The following ZNF804A variants were observed in gnomAD, a reference collection of about 807,000 sequenced individuals.
The protein encoded by ZNF804A is zinc finger protein 804A.
ZNF804A carries 2 observed loss-of-function variants against 16.5 expected under a neutral mutation model. The observed-to-expected ratio is 0.12, with a 90% confidence interval of 0.05 to 0.38. The LOEUF (loss-of-function observed/expected upper bound fraction) is 0.38, where lower values mean the gene tolerates loss of function less well. Ranked by LOEUF, ZNF804A falls within the 10% of genes least tolerant of loss-of-function variation. ZNF804A has a pLI of 0.99. For synonymous variants in ZNF804A, 534 were observed against 489.6 expected, an observed-to-expected ratio of 1.09 and a Z score of -1.20; for missense variants, 1,473 against 1,390.7, an observed-to-expected ratio of 1.06 and a Z score of -0.94.
At chr2:184,600,511 T>C (rs1691028445) in intron 1 of ZNF804A, among the ~76,000 whole-genome samples, 1 of 152,232 alleles carries the variant, frequency 6.6e-6, no homozygotes, top group South Asian at 2.1e-4. Context: ...ATTGAAATTG[T>C]TCTGGCCCCA....
intron 2 of ZNF804A, among the ~76,000 whole-genome samples, chr2:184,917,459 A>C (rs73043287): frequency 0.048 from 7,165 of 148,380 alleles, 223 homozygotes; most frequent in East Asian, 0.055. Flanking sequence ...AAAGAAAAAC[A>C]AATATGTGTG....
At chr2:184,690,960 T>C (rs551436500) in intron 1 of ZNF804A, among the ~76,000 whole-genome samples, 1 of 152,100 alleles carries the variant, frequency 6.6e-6, no homozygotes, top group South Asian at 2.1e-4. Flanking sequence ...AAAATAAATA[T>C]ATGCAAAAAA....
chr2:184,618,074 T>A (rs1691355074), intron 1 of ZNF804A, among the ~76,000 whole-genome samples: 1 of 152,072 alleles, frequency 6.6e-6, no homozygotes, highest in Admixed American at 6.6e-5. Flanking sequence ...TCCATTGTGT[T>A]TAGTTTATCT....
At chr2:184,835,175 C>T (rs1449480408) in intron 1 of ZNF804A, among the ~76,000 whole-genome samples, 4 of 152,064 alleles carry the variant, frequency 2.6e-5, no homozygotes, top group Non-Finnish European at 4.4e-5. Flanking sequence ...GTTCTGAACT[C>T]CCCCCAGGAG....
intron 1 of ZNF804A, among the ~76,000 whole-genome samples, chr2:184,779,463 A>G (rs998845905): frequency 1.3e-5 from 2 of 151,748 alleles, no homozygotes; most frequent in South Asian, 2.1e-4. Context: ...TGAATATGTT[A>G]GGTTACATGG....
At chr2:184,769,391 T>C (rs1056585199) in intron 1 of ZNF804A, among the ~76,000 whole-genome samples, 1 of 152,134 alleles carries the variant, frequency 6.6e-6, no homozygotes, top group Non-Finnish European at 1.5e-5. Context: ...AGGGCTTTGG[T>C]AGCCTAGTAT....
At chr2:184,642,246 T>A (rs1460555806) in intron 1 of ZNF804A, among the ~76,000 whole-genome samples, 1 of 152,190 alleles carries the variant, frequency 6.6e-6, no homozygotes, top group African/African-American at 2.4e-5. Context: ...GTTCCCTAAC[T>A]TTATGACCTA....
rs148545574 is a variant in ZNF804A, at chr2:184,709,490, AG to A, written c.111+110422del. Among the ~76,000 whole-genome samples the A allele has an allele frequency of 2.8e-3, 419 of 152,090 alleles. 8 individuals carry two copies. The highest frequency in any genetic ancestry group is 9.6e-3 in the African/African-American group (398 of 41,522). On this transcript the variant is annotated intron_variant, in intron 1 of 3. Transcript: ENST00000302277. Reference sequence around the variant, plus strand: ...ATTCTGAGAACAATCCTGTAAGTTAAGGAAGTTTAAGAAGGCTGATATTTCC... The same window carrying A: ...ATTCTGAGAACAATCCTGTAAGTTAAGAAGTTTAAGAAGGCTGATATTTCC...
intron 1 of ZNF804A, among the ~76,000 whole-genome samples, chr2:184,692,666 T>C (rs1397758691): frequency 2.0e-5 from 3 of 152,222 alleles, no homozygotes; most frequent in Non-Finnish European, 2.9e-5. Flanking sequence ...GAAATCTGTC[T>C]ATTTTATTGA....
chr2:184,699,536 A>G (rs1291821449), intron 1 of ZNF804A, among the ~76,000 whole-genome samples: 2 of 152,072 alleles, frequency 1.3e-5, no homozygotes, highest in African/African-American at 4.8e-5. Flanking sequence ...GCCAGCTTTC[A>G]TATTCACAGT....
chr2:184,637,157 G>A (rs1691713152), intron 1 of ZNF804A, among the ~76,000 whole-genome samples: 1 of 152,012 alleles, frequency 6.6e-6, no homozygotes, highest in Admixed American at 6.6e-5. Flanking sequence ...CCTCTTTTTA[G>A]AATTAGGGGC....
At chr2:184,789,307 GT>G (rs926387479) in intron 1 of ZNF804A, among the ~76,000 whole-genome samples, 55 of 152,136 alleles carry the variant, frequency 3.6e-4, no homozygotes, top group African/African-American at 1.3e-3. Flanking sequence ...TCTTGGTTGT[GT>G]TTTTGCCTGA....
intron 1 of ZNF804A, among the ~76,000 whole-genome samples, chr2:184,623,508 T>C (rs1574135985): frequency 6.6e-6 from 1 of 152,266 alleles, no homozygotes; most frequent in African/African-American, 2.4e-5. Flanking sequence ...TCATATATTT[T>C]TACTATGTTA....
chr2:184,627,273 A>T (rs1044146817), intron 1 of ZNF804A, among the ~76,000 whole-genome samples: 2 of 152,140 alleles, frequency 1.3e-5, no homozygotes, highest in Non-Finnish European at 2.9e-5. Context: ...ATTGAATTTA[A>T]CCAGTATATC....
At chr2:184,791,711 T>C (rs182562383) in intron 1 of ZNF804A, among the ~76,000 whole-genome samples, 8 of 152,264 alleles carry the variant, frequency 5.3e-5, no homozygotes, top group Admixed American at 3.9e-4. Context: ...CCAAAGTCCA[T>C]AGTTTACATT....
chr2:184,774,656 GC>G (rs1694261143), intron 1 of ZNF804A, among the ~76,000 whole-genome samples: 1 of 151,676 alleles, frequency 6.6e-6, no homozygotes. Flanking sequence ...AGTTGATGAA[GC>G]TTTTTGAAGA....
chr2:184,792,867 C>T (rs10931152), intron 1 of ZNF804A, among the ~76,000 whole-genome samples: 11,380 of 151,914 alleles, frequency 0.075, 1,442 homozygotes, highest in African/African-American at 0.26. Context: ...GTATGGATCC[C>T]GTCACCCAGG....
chr2:184,774,163 G>A (rs1212471055), intron 1 of ZNF804A, among the ~76,000 whole-genome samples: 1 of 151,796 alleles, frequency 6.6e-6, no homozygotes, highest in Admixed American at 6.6e-5. Flanking sequence ...ATAGTGTGGG[G>A]AATTTAAAAC....
At chr2:184,899,889 T>C (rs1436937484) in intron 2 of ZNF804A, among the ~76,000 whole-genome samples, 2 of 151,976 alleles carry the variant, frequency 1.3e-5, no homozygotes, top group African/African-American at 4.8e-5. Flanking sequence ...AGTAAAGTTT[T>C]TCTTTAAATA....
Sources: gnomAD v4.1 joint callset for allele counts (sites outside exome capture counted in the v4.1 genomes callset) on GRCh38, gnomAD v4.1.1 for gene constraint, MANE v1.5 for transcripts, NCBI Gene and HGNC (gene_info 2026-07-23, HGNC 2026-07-21) for gene names.